BAIAP2: variants seen among roughly 807,000 people sequenced by gnomAD.
BAIAP2 encodes BAR/IMD domain containing adaptor protein 2, also known as BAR/IMD domain-containing adapter protein 2.
BAIAP2 carries 18 observed loss-of-function variants against 63.0 expected under a neutral mutation model. The ratio of observed to expected loss-of-function variants is 0.29; its 90% CI spans 0.20 to 0.42. The LOEUF (loss-of-function observed/expected upper bound fraction) is 0.42. Ranked by LOEUF, BAIAP2 falls within the 10% of genes least tolerant of loss-of-function variation. The probability of loss-of-function intolerance (pLI) is 1.00; values close to 1 mark genes in which losing one functional copy is unlikely to be tolerated. For synonymous variants in BAIAP2, 386 were observed against 307.6 expected (o/e 1.25, Z -2.67); for missense variants, 610 against 734.3 (o/e 0.83, Z 1.96).
intron 3 of BAIAP2, among the ~76,000 whole-genome samples, chr17:81,071,985 T>A (rs537263413): frequency 1.1e-3 from 164 of 152,232 alleles, no homozygotes; most frequent in African/African-American, 3.9e-3. Flanking sequence ...CATCCCCCCC[T>A]CCCCCTCTGC....
intron 7 of BAIAP2, among the ~76,000 whole-genome samples, chr17:81,101,173 C>G (rs554837447): frequency 1.3e-4 from 20 of 152,278 alleles, no homozygotes; most frequent in African/African-American, 3.4e-4. Context: ...GCATCCCCAG[C>G]CTTGTCGTTC....
chr17:81,089,347 C>T (rs1426736104), intron 6 of BAIAP2, among the ~76,000 whole-genome samples: 1 of 152,216 alleles, frequency 6.6e-6, no homozygotes. Flanking sequence ...TCACCTGATT[C>T]GCAGCCACAG....
At chr17:81,081,564 G>A (rs776480526) in intron 3 of BAIAP2, among the ~76,000 whole-genome samples, 51 of 152,286 alleles carry the variant, frequency 3.3e-4, no homozygotes, top group Non-Finnish European at 5.4e-4. Flanking sequence ...GCCTGCTCAC[G>A]TCCAAGTGGC....
At chr17:81,070,161 G>C (rs2052334187) in intron 3 of BAIAP2, among the ~76,000 whole-genome samples, 1 of 152,180 alleles carries the variant, frequency 6.6e-6, no homozygotes, top group African/African-American at 2.4e-5. Context: ...AGCTTGCTTT[G>C]TTGCCCAGGC....
intron 3 of BAIAP2, among the ~76,000 whole-genome samples, chr17:81,073,285 T>C (rs955258561): frequency 8.5e-5 from 13 of 152,150 alleles, no homozygotes; most frequent in Admixed American, 7.2e-4. Context: ...TCAGAACTTT[T>C]ACCACCTGGG....
intron 1 of BAIAP2, among the ~76,000 whole-genome samples, chr17:81,039,243 G>A (rs1196637328): frequency 6.6e-6 from 1 of 152,266 alleles, no homozygotes; most frequent in Non-Finnish European, 1.5e-5. Flanking sequence ...CGGCTGCCGT[G>A]TCATGCTGCC....
chr17:81,075,656 C>T (rs763715439), intron 3 of BAIAP2, among the ~76,000 whole-genome samples: 3 of 152,218 alleles, frequency 2.0e-5, no homozygotes, highest in Non-Finnish European at 4.4e-5. Flanking sequence ...ACCTGTCCAC[C>T]AGCCCTCCTT....
At chr17:81,108,585 A>G (rs2059456912) in intron 13 of BAIAP2, 76 bp downstream of exon 13, 1 of 1,564,750 alleles carries the variant, frequency 6.4e-7, no homozygotes. Context: ...TCCCTCTGCT[A>G]GGACCTGGGG....
intron 1 of BAIAP2, among the ~76,000 whole-genome samples, chr17:81,051,722 C>T (rs12941406): frequency 0.074 from 11,201 of 152,180 alleles, 478 homozygotes; most frequent in Non-Finnish European, 0.094. Flanking sequence ...CAGGGTCTCA[C>T]TCTGTCACCC....
intron 3 of BAIAP2, among the ~76,000 whole-genome samples, chr17:81,071,484 G>T (rs549049420): frequency 1.1e-4 from 16 of 152,234 alleles, no homozygotes; most frequent in Non-Finnish European, 1.9e-4. Context: ...TCTGGAAGGT[G>T]ATGCATGCTC....
At position 81,057,971 on chromosome 17, in the gene BAIAP2, A is replaced by AGTGGGGGGGGGGGGGGGGGGGGGGGGGGG; in HGVS notation, c.217+5_217+6insTGGGGGGGGGGGGGGGGGGGGGGGGGGGG. On this transcript the variant is annotated splice_donor_region_variant and intron_variant, in intron 3 of 13. Coordinates refer to ENST00000428708, the MANE Select transcript of BAIAP2 (RefSeq NM_001144888.2). ...AGCCAGGGCTCCAAAGAACTCGGTG[A>AGTGGGGGGGGGGGGGGGGGGGGGGGGGGG]GACCCCCCCCCCCCCCCCGCCTGGT... 1.5e-6 allele frequency: 1 copy of AGTGGGGGGGGGGGGGGGGGGGGGGGGGGG among 664,810 alleles called. No individual in the cohort carries two copies. The highest frequency in any genetic ancestry group is 2.2e-6 in the Non-Finnish European group (1 of 462,422). 41.2% of individuals were successfully genotyped at this position (664,810 alleles called of 1,614,324 possible). A position where few individuals can be genotyped will look rare whatever the true frequency, so the allele number is the denominator to read the frequency against.
intron 1 of BAIAP2, among the ~76,000 whole-genome samples, chr17:81,044,912 G>C (rs928218696): frequency 6.6e-6 from 1 of 152,212 alleles, no homozygotes; most frequent in African/African-American, 2.4e-5. Flanking sequence ...CACCCCGTGA[G>C]GCTGAGCAGT....
intron 2 of BAIAP2, among the ~76,000 whole-genome samples, chr17:81,056,111 G>A (rs987391595): frequency 3.3e-5 from 5 of 152,160 alleles, no homozygotes; most frequent in East Asian, 1.9e-4. Context: ...AAATGTTGAC[G>A]CTGGAGAGAG....
chr17:81,107,100 C>A, intron 12 of BAIAP2, 193 bp downstream of exon 12: 1 of 653,040 alleles, frequency 1.5e-6, no homozygotes, highest in Non-Finnish European at 2.4e-6. Context: ...GCCCGCCTCG[C>A]CGCAGCAGGC....
rs1472805012 is a variant in BAIAP2, at chr17:81,046,739, GC to G, written c.55-6928del. 6.6e-6 allele frequency among the ~76,000 whole-genome samples: 1 copy of G among 151,882 alleles called. No individual in the cohort carries two copies. Among genetic ancestry groups the G allele is most frequent in the Non-Finnish European group, 1.5e-5 (1 of 67,964 alleles). ...CCCCTCCTGTACCTCCCTAGTCCAT[GC>G]TGTACATGTGGCCGGGGGTTTCCAG... is the stretch of plus-strand genomic sequence containing the variant. On this transcript the variant is annotated intron_variant, in intron 1 of 13. Coordinates refer to ENST00000428708, the MANE Select transcript of BAIAP2 (RefSeq NM_001144888.2). This position sits in a 1 kb window ranked among gnomAD's most constrained non-coding sequence, Gnocchi z 4.5.
intron 13 of BAIAP2, chr17:81,109,950 T>TG: frequency 1.0e-6 from 1 of 985,338 alleles, no homozygotes; most frequent in Non-Finnish European, 1.2e-6. Flanking sequence ...GCCCCCCACC[T>TG]GGGGGAAACA....
chr17:81,060,665 A>G (rs2050386381), intron 3 of BAIAP2, among the ~76,000 whole-genome samples: 1 of 152,240 alleles, frequency 6.6e-6, no homozygotes, highest in Admixed American at 6.5e-5. Flanking sequence ...TTGCCGGGTC[A>G]GATGGCTGGG....
intron 3 of BAIAP2, 134 bp from the exon 4 acceptor site, chr17:81,084,698 G>T: frequency 1.3e-6 from 1 of 797,684 alleles, no homozygotes; most frequent in South Asian, 1.4e-5. Flanking sequence ...CTCCCTTCTG[G>T]CCCTGACACC....
chr17:81,079,315 CTT>C (rs1180497372), intron 3 of BAIAP2, among the ~76,000 whole-genome samples: 1 of 152,200 alleles, frequency 6.6e-6, no homozygotes, highest in Non-Finnish European at 1.5e-5. Flanking sequence ...GGGTTTCACT[CTT>C]AGCCTGGCGA....
Sources: gnomAD v4.1 joint callset for allele counts (sites outside exome capture counted in the v4.1 genomes callset) on GRCh38, gnomAD v4.1.1 for gene constraint, Gnocchi (gnomAD v3.1) non-coding constraint, MANE v1.5 for transcripts, NCBI Gene and HGNC (gene_info 2026-07-23, HGNC 2026-07-21) for gene names.